WDFY4: variants seen among roughly 807,000 people sequenced by gnomAD.
The protein encoded by WDFY4 is WDFY family member 4.
A neutral mutation model predicts 351.9 loss-of-function variants in WDFY4; 169 were observed. That is an observed-to-expected ratio of 0.48 (90% CI 0.42 to 0.55). The LOEUF (loss-of-function observed/expected upper bound fraction) is 0.55, where lower values mean the gene tolerates loss of function less well. WDFY4 is among the 20% of genes least tolerant of loss of function. WDFY4 has a pLI of 0.00. For synonymous variants in WDFY4, 1,622 were observed against 1,574.6 expected (o/e 1.03, Z -0.71); for missense variants, 3,803 against 3,935.6 (o/e 0.97, Z 0.90).
chr10:48,749,013 T>A (rs779800203), intron 12 of WDFY4, among the ~76,000 whole-genome samples: 6 of 152,104 alleles, frequency 3.9e-5, no homozygotes, highest in Non-Finnish European at 8.8e-5. Flanking sequence ...TAATCTTCCA[T>A]CTCCTGATTT....
At chr10:48,805,782 CCTGTCACTAT>C (rs2067233571) in intron 26 of WDFY4, among the ~76,000 whole-genome samples, 1 of 152,202 alleles carries the variant, frequency 6.6e-6, no homozygotes, top group African/African-American at 2.4e-5. Flanking sequence ...CCTTCTCTTT[CCTGTCACTAT>C]CTAATTGATC....
At chr10:48,830,924 G>A in intron 38 of WDFY4, 39 bp downstream of exon 38, 1 of 1,532,816 alleles carries the variant, frequency 6.5e-7, no homozygotes, top group Non-Finnish European at 8.8e-7. Context: ...GGAACTCCTG[G>A]GTCTCACAGA....
chr10:48,862,984 G>A (rs1260324408), intron 39 of WDFY4, among the ~76,000 whole-genome samples: 1 of 152,104 alleles, frequency 6.6e-6, no homozygotes, highest in Non-Finnish European at 1.5e-5. Flanking sequence ...CTTTCACTTA[G>A]GATGTTGCTT....
intron 38 of WDFY4, among the ~76,000 whole-genome samples, chr10:48,831,858 G>A (rs2068200515): frequency 6.6e-6 from 1 of 152,168 alleles, no homozygotes; most frequent in African/African-American, 2.4e-5. Context: ...GGCAAAAATG[G>A]CCTGGGATGG....
chr10:48,773,669 G>C (rs1384277638), intron 13 of WDFY4, among the ~76,000 whole-genome samples: 2 of 152,230 alleles, frequency 1.3e-5, no homozygotes, highest in Non-Finnish European at 2.9e-5. Flanking sequence ...TTAGGACTGA[G>C]GGACAGGCAC....
intron 2 of WDFY4, among the ~76,000 whole-genome samples, chr10:48,711,277 T>G (rs1235863874): frequency 6.6e-6 from 1 of 152,240 alleles, no homozygotes; most frequent in Non-Finnish European, 1.5e-5. Flanking sequence ...GTTTTGGACT[T>G]GTAGTCCCAT....
intron 47 of WDFY4, among the ~76,000 whole-genome samples, chr10:48,941,204 C>T (rs1375805597): frequency 6.6e-6 from 1 of 152,170 alleles, no homozygotes; most frequent in Non-Finnish European, 1.5e-5. Flanking sequence ...GTCTCCAGGG[C>T]TGCTGCAGCA....
chr10:48,764,901 A>G (rs2065620208), intron 13 of WDFY4, among the ~76,000 whole-genome samples: 1 of 152,230 alleles, frequency 6.6e-6, no homozygotes, highest in Non-Finnish European at 1.5e-5. Flanking sequence ...GCCTTGGGAC[A>G]CAGGAGAGGG....
chr10:48,879,303 G>C (rs911938507), intron 43 of WDFY4, among the ~76,000 whole-genome samples: 8 of 152,208 alleles, frequency 5.3e-5, no homozygotes, highest in African/African-American at 2.4e-5. Context: ...CTGGTGTCTA[G>C]TGGGCAGAGG....
intron 47 of WDFY4, among the ~76,000 whole-genome samples, chr10:48,931,504 C>T (rs1391566610): frequency 2.0e-5 from 3 of 152,102 alleles, no homozygotes; most frequent in East Asian, 1.9e-4. Context: ...GAGGGTGGCC[C>T]GTATTATGGT....
chr10:48,775,672 T>G, intron 14 of WDFY4, 40 bp from the exon 15 acceptor site: 1 of 1,527,132 alleles, frequency 6.5e-7, no homozygotes, highest in South Asian at 1.2e-5. Flanking sequence ...CTGTTGCTAG[T>G]AAAATGTCTT....
chr10:48,916,039 C>T (rs1434586353), intron 47 of WDFY4, among the ~76,000 whole-genome samples: 2 of 152,160 alleles, frequency 1.3e-5, no homozygotes, highest in African/African-American at 4.8e-5. Context: ...CTTGGTCCCA[C>T]CAAACTCCTG....
At chr10:48,913,759 G>T (rs890691444) in intron 47 of WDFY4, 1 of 1,614,080 alleles carries the variant, frequency 6.2e-7, no homozygotes, top group African/African-American at 1.3e-5. Context: ...ACGCTGTCCA[G>T]GTGGTTCAAG....
intron 1 of WDFY4, among the ~76,000 whole-genome samples, chr10:48,709,086 A>C (rs972430708): frequency 2.0e-5 from 3 of 150,970 alleles, no homozygotes; most frequent in African/African-American, 7.3e-5. Flanking sequence ...CCTTTGGCCC[A>C]GTTTCCTTAC....
At chr10:48,700,395 G>C (rs1410662397) in intron 1 of WDFY4, among the ~76,000 whole-genome samples, 1 of 152,232 alleles carries the variant, frequency 6.6e-6, no homozygotes, top group African/African-American at 2.4e-5. Flanking sequence ...TGTCCTCCAA[G>C]CTACTTCTAT....
chr10:48,954,512 T>C (rs1841491717), intron 51 of WDFY4, among the ~76,000 whole-genome samples: 1 of 152,236 alleles, frequency 6.6e-6, no homozygotes, highest in African/African-American at 2.4e-5. Flanking sequence ...GTCTGGACTT[T>C]CCTTAGATAG....
chr10:48,867,387 C>A lies in WDFY4; in HGVS notation c.6741+45C>A, dbSNP rs773625383. ...CTTTCTCTATACAGCAAGCTGGAAT[C>A]CACCTTGAACCTGAAAAATAATTGG... On this transcript the variant is annotated intron_variant, in intron 40 of 61. Coordinates refer to ENST00000325239, the MANE Select transcript of WDFY4 (RefSeq NM_001394531.1). 56 of 1,244,246 alleles carry A rather than the reference C, an allele frequency of 4.5e-5. No individual in the cohort carries two copies. In the African/African-American group the frequency reaches 7.8e-4, roughly 17 times the overall value. The allele number at this position is 1,244,246 out of a possible 1,614,324, so 77.1% of individuals were successfully genotyped here. A position where few individuals can be genotyped will look rare whatever the true frequency, so the allele number is the denominator to read the frequency against.
chr10:48,942,937 T>C (rs891228045), intron 48 of WDFY4, among the ~76,000 whole-genome samples: 3 of 152,224 alleles, frequency 2.0e-5, no homozygotes, highest in East Asian at 3.8e-4. Context: ...CCTCTGTCTC[T>C]GGGACTGCCA....
rs550313218 is a variant in WDFY4, at chr10:48,981,427, C to T, written c.9437C>T (p.Thr3146Ile). 6 of 1,551,768 alleles carry T rather than the reference C, an allele frequency of 3.9e-6. No homozygotes were observed. In the Admixed American group the frequency reaches 5.9e-5, roughly 15 times the overall value. The change falls in exon 61 of 62, where the codon ACA (threonine) becomes ATA (isoleucine). Residue 3146 changes from threonine (T) to isoleucine (I), a missense_variant. Thr to Ile is a moderately conservative substitution (Grantham distance 89). Coordinates refer to ENST00000325239, the MANE Select transcript of WDFY4 (RefSeq NM_001394531.1). ...GAGCTGGACGTTAGCATTGCTTTGA[C>T]AGGGAAGCCCAGCAAAACCAGCCCC... The part of the protein sequence containing the change: ...SRELDVSIAL[T>I]GKPSKTSPAV...
Sources: gnomAD v4.1 joint callset for allele counts (sites outside exome capture counted in the v4.1 genomes callset) on GRCh38, gnomAD v4.1.1 for gene constraint, MANE v1.5 for transcripts, NCBI Gene and HGNC (gene_info 2026-07-23, HGNC 2026-07-21) for gene names.